Variants in RAP1GAP2 observed in about 807,000 individuals in gnomAD.
RAP1GAP2 encodes the protein rap1 GTPase-activating protein 2.
A neutral mutation model predicts 95.0 loss-of-function variants in RAP1GAP2; 27 were observed. The ratio of observed to expected loss-of-function variants is 0.28; its 90% CI spans 0.21 to 0.39. The LOEUF is 0.39. Ranked by LOEUF, RAP1GAP2 falls within the 10% of genes least tolerant of loss-of-function variation. The probability of loss-of-function intolerance (pLI) is 1.00; values close to 1 mark genes in which losing one functional copy is unlikely to be tolerated. For synonymous variants in RAP1GAP2, 373 were observed against 380.9 expected (o/e 0.98, Z 0.24); for missense variants, 771 against 970.0 (o/e 0.79, Z 2.72).
At chr17:2,935,109 T>C (rs2043264532) in intron 3 of RAP1GAP2, among the ~76,000 whole-genome samples, 1 of 152,194 alleles carries the variant, frequency 6.6e-6, no homozygotes, top group Non-Finnish European at 1.5e-5. Flanking sequence ...TGGGTTTGCA[T>C]TGCCTGTCGT....
At chr17:2,945,527 T>G (rs2043669533) in intron 3 of RAP1GAP2, among the ~76,000 whole-genome samples, 1 of 152,130 alleles carries the variant, frequency 6.6e-6, no homozygotes, top group Non-Finnish European at 1.5e-5. Context: ...GTGGTGAAAG[T>G]GAGTTTCCTT....
At chr17:2,800,368 C>T in intron 1 of RAP1GAP2, 147 bp from the exon 2 acceptor site, 1 of 1,272,576 alleles carries the variant, frequency 7.9e-7, no homozygotes, top group Non-Finnish European at 1.1e-6. Context: ...TCTCCCCCTG[C>T]TAGCGGAGAA....
At chr17:3,015,262 C>T (rs1217061852) in intron 17 of RAP1GAP2, among the ~76,000 whole-genome samples, 5 of 151,952 alleles carry the variant, frequency 3.3e-5, no homozygotes, top group East Asian at 1.9e-4. Context: ...AAGAGATGCC[C>T]GATCAAATCA....
chr17:2,862,325 T>C (rs906258300), intron 2 of RAP1GAP2, among the ~76,000 whole-genome samples: 1 of 152,148 alleles, frequency 6.6e-6, no homozygotes, highest in Non-Finnish European at 1.5e-5. Context: ...AGCCAATATA[T>C]ATATTTTTCT....
In RAP1GAP2 at chr17:2,842,282, C is replaced by T. The variant is rs370962283; in HGVS notation, c.80+41732C>T. Among the ~76,000 whole-genome samples the T allele has an allele frequency of 1.2e-3, 187 of 152,168 alleles. 1 individual carries two copies. In the South Asian group the frequency reaches 0.013, roughly 10 times the overall value. ...CTAGCCAGGTGTGTGGTGGCTCATG[C>T]ACTTTGGGAGGGCGAGGCAGGCAGG... On this transcript the variant is annotated intron_variant, in intron 2 of 24. Transcript: ENST00000254695.
rs893751427 is a variant in RAP1GAP2, at chr17:3,008,387, C to T, written c.1494+242C>T. Among the ~76,000 whole-genome samples, 21 of 152,178 alleles carry T rather than the reference C, an allele frequency of 1.4e-4. No homozygotes were observed. Among genetic ancestry groups the T allele is most frequent in the Admixed American group, 3.3e-4 (5 of 15,286 alleles). On this transcript the variant is annotated intron_variant, in intron 17 of 24. Transcript: ENST00000254695. The surrounding 1 kb of genome is among the most constrained non-coding windows in gnomAD (Gnocchi z 4.2). Reference sequence around the variant, plus strand: ...CTTCCTCTATCTGGGTCATCTCCTCCGGGCCCAGAAGTCTGTTAAGCAGGG... The same window carrying T: ...CTTCCTCTATCTGGGTCATCTCCTCTGGGCCCAGAAGTCTGTTAAGCAGGG...
chr17:2,945,234 TTTTAA>T (rs1266032994), intron 3 of RAP1GAP2, among the ~76,000 whole-genome samples: 2 of 152,318 alleles, frequency 1.3e-5, no homozygotes, highest in African/African-American at 4.8e-5. Context: ...TGATTGTTTA[TTTTAA>T]TTTATTATTT....
rs756258587 is a variant in RAP1GAP2, at chr17:2,957,805, AC to A, written c.201+16del. 2.5e-6 allele frequency: 4 copies of A among 1,582,450 alleles called. No individual in the cohort carries two copies. In the African/African-American group the frequency reaches 4.1e-5, roughly 16 times the overall value. ...CTGGAGAAAATGCAGGTGAGTACGT[AC>A]CCCCACCGTGGCGGGGAAGAAGCCC... On this transcript the variant is annotated intron_variant, in intron 4 of 24. Transcript: ENST00000254695.
intron 3 of RAP1GAP2, among the ~76,000 whole-genome samples, chr17:2,908,103 C>T (rs1314046507): frequency 6.6e-6 from 1 of 152,158 alleles, no homozygotes; most frequent in Non-Finnish European, 1.5e-5. Context: ...CCACGCCTGG[C>T]CCAGAGTCAG....
rs2072018659 is a variant in RAP1GAP2, at chr17:2,854,048, C to T, written c.81-51236C>T. On this transcript the variant is annotated intron_variant, in intron 2 of 24. Coordinates refer to ENST00000254695, the MANE Select transcript of RAP1GAP2 (RefSeq NM_015085.5). ...TGCCGAAAGGCGGGGATCCGCGCCG[C>T]CGTGGTGCTCATCGGACTCCTGCAC... 7 of 985,232 alleles carry T rather than the reference C, an allele frequency of 7.1e-6. No individual in the cohort carries two copies. In the South Asian group the frequency reaches 2.8e-4, roughly 40 times the overall value. 61.0% of individuals were successfully genotyped at this position (985,232 alleles called of 1,614,324 possible). A position where few individuals can be genotyped will look rare whatever the true frequency, so the allele number is the denominator to read the frequency against.
In RAP1GAP2 at chr17:2,827,190, G is replaced by A. The variant is rs1183900752; in HGVS notation, c.80+26640G>A. On this transcript the variant is annotated intron_variant, in intron 2 of 24. Transcript: ENST00000254695. This position sits in a 1 kb window ranked among gnomAD's most constrained non-coding sequence, Gnocchi z 4.1. ...AGTGTGGTGCGTTTGAGGAGCTTGTGGATCGTCCCAGGGGTGTGTGTGGTT... is the reference window on the plus strand; with the variant it reads ...AGTGTGGTGCGTTTGAGGAGCTTGTAGATCGTCCCAGGGGTGTGTGTGGTT... Among the ~76,000 whole-genome samples the A allele has an allele frequency of 6.6e-6, 1 of 152,162 alleles. No homozygotes were observed. The highest frequency in any genetic ancestry group is 1.9e-4 in the East Asian group (1 of 5,182).
In RAP1GAP2 at chr17:2,797,719, G is replaced by A; in HGVS notation, c.44+1148G>A. 1 of 985,428 alleles carries A rather than the reference G, an allele frequency of 1.0e-6. No homozygotes were observed. The highest frequency in any genetic ancestry group is 1.2e-6 in the Non-Finnish European group (1 of 829,934). The allele number at this position is 985,428 out of a possible 1,614,324, so 61.0% of individuals were successfully genotyped here. Reference sequence around the variant, plus strand: ...ATGGTGCGGATGAGAAGATGGCACAGCGTCGCCTGTGTCTGCTCTCGGGCC... The same window carrying A: ...ATGGTGCGGATGAGAAGATGGCACAACGTCGCCTGTGTCTGCTCTCGGGCC... On this transcript the variant is annotated intron_variant, in intron 1 of 24. Transcript: ENST00000254695. The surrounding 1 kb of genome is among the most constrained non-coding windows in gnomAD (Gnocchi z 5.6).
intron 8 of RAP1GAP2, among the ~76,000 whole-genome samples, chr17:2,972,977 ATCT>A (rs1459669484): frequency 1.3e-5 from 2 of 152,280 alleles, no homozygotes; most frequent in East Asian, 1.9e-4. Context: ...CTTACTCATC[ATCT>A]TCTTCTTAGG....
At position 3,026,154 on chromosome 17, in the gene RAP1GAP2, G is replaced by A. The variant is rs372684149; in HGVS notation, c.1865+33G>A. ...AGTGAGGGTGGGAAAGGCCAGCTTCGGCCACGTGGAGCCCTGGAACACGCC... is the reference window on the plus strand; with the variant it reads ...AGTGAGGGTGGGAAAGGCCAGCTTCAGCCACGTGGAGCCCTGGAACACGCC... On this transcript the variant is annotated intron_variant, in intron 20 of 24. Coordinates refer to ENST00000254695, the MANE Select transcript of RAP1GAP2 (RefSeq NM_015085.5). The A allele has an allele frequency of 3.2e-4, 490 of 1,533,646 alleles. 3 individuals carry two copies. The South Asian group carries it at 4.6e-3, about 14-fold the overall frequency.
At chr17:2,784,791 C>T (rs540032910) in intron 1 of RAP1GAP2, among the ~76,000 whole-genome samples, 2 of 152,278 alleles carry the variant, frequency 1.3e-5, no homozygotes, top group South Asian at 4.1e-4. Flanking sequence ...TACAGGTCAG[C>T]CCTGCTCCCT....
At chr17:2,801,202 T>C (rs1413434664) in intron 2 of RAP1GAP2, among the ~76,000 whole-genome samples, 3 of 150,400 alleles carry the variant, frequency 2.0e-5, no homozygotes, top group African/African-American at 7.3e-5. Flanking sequence ...GGGCTGGGCA[T>C]GGTGGCTCAC....
intron 2 of RAP1GAP2, among the ~76,000 whole-genome samples, chr17:2,848,997 G>T (rs539301916): frequency 2.8e-4 from 43 of 152,318 alleles, no homozygotes; most frequent in Admixed American, 1.6e-3. Flanking sequence ...CAAGAGTGGA[G>T]GTGTCTTAGC....
At chr17:2,922,702 T>G (rs1051804487) in intron 3 of RAP1GAP2, among the ~76,000 whole-genome samples, 2 of 152,180 alleles carry the variant, frequency 1.3e-5, no homozygotes, top group Admixed American at 1.3e-4. Flanking sequence ...TGGCAGGTGC[T>G]TCATAAACAC....
Position 3,034,464 on chromosome 17 carries a change from C to A in RAP1GAP2, c.*1103C>A. The A allele has an allele frequency of 1.0e-5, 2 of 193,746 alleles. No individual in the cohort carries two copies. The highest frequency in any genetic ancestry group is 5.7e-5 in the South Asian group (1 of 17,576). 12.0% of individuals were successfully genotyped at this position (193,746 alleles called of 1,614,324 possible). On this transcript the variant is annotated 3_prime_UTR_variant, in exon 25 of 25. Coordinates refer to ENST00000254695, the MANE Select transcript of RAP1GAP2 (RefSeq NM_015085.5). The surrounding 1 kb of genome is among the most constrained non-coding windows in gnomAD (Gnocchi z 5.1). Reference sequence around the variant, plus strand: ...TGGGTGGGGAAGGGGCACAGTGTCCCTCAGCAGCTTACGCCCCTGGAGTCT... The same window carrying A: ...TGGGTGGGGAAGGGGCACAGTGTCCATCAGCAGCTTACGCCCCTGGAGTCT...
Sources: gnomAD v4.1 joint callset for allele counts (sites outside exome capture counted in the v4.1 genomes callset) on GRCh38, gnomAD v4.1.1 for gene constraint, Gnocchi (gnomAD v3.1) non-coding constraint, MANE v1.5 for transcripts, NCBI Gene and HGNC (gene_info 2026-07-23, HGNC 2026-07-21) for gene names.